The following CNTN5 variants were observed in gnomAD, a reference collection of about 807,000 sequenced individuals.
The protein encoded by CNTN5 is contactin-5.
A neutral mutation model predicts 129.1 loss-of-function variants in CNTN5; 77 were observed. The observed-to-expected ratio is 0.60, with a 90% CI of 0.50 to 0.72. The LOEUF (loss-of-function observed/expected upper bound fraction) is 0.72, where lower values mean the gene tolerates loss of function less well. Among genes scored for constraint, CNTN5 ranks in the 30% least tolerant of loss-of-function variants. The probability of loss-of-function intolerance (pLI) is 0.00; values close to 1 mark genes in which losing one functional copy is unlikely to be tolerated. For missense variants in CNTN5, 1,478 were observed against 1,328.8 expected (o/e 1.11, Z -1.75); for synonymous variants, 509 against 465.6 (o/e 1.09, Z -1.20).
intron 1 of CNTN5, among the ~76,000 whole-genome samples, chr11:99,201,348 T>TC (rs1859180862): frequency 1.3e-4 from 1 of 7,900 alleles, no homozygotes; most frequent in Non-Finnish European, 1.8e-4. Flanking sequence ...TTCCTTCCTT[T>TC]CCTTTCCTTC....
intron 2 of CNTN5, among the ~76,000 whole-genome samples, chr11:99,393,125 C>T (rs1339485168): frequency 2.0e-5 from 3 of 151,666 alleles, no homozygotes; most frequent in African/African-American, 7.3e-5. Flanking sequence ...TAACATGAGG[C>T]TAAATGTCAA....
chr11:100,216,591 A>C (rs1949143415), intron 15 of CNTN5, among the ~76,000 whole-genome samples: 1 of 151,972 alleles, frequency 6.6e-6, no homozygotes, highest in African/African-American at 2.4e-5. Context: ...TAAGTGTCAC[A>C]ATAAAAGTAA....
chr11:100,162,357 GAACT>G (rs1947484474), intron 13 of CNTN5, among the ~76,000 whole-genome samples: 1 of 151,734 alleles, frequency 6.6e-6, no homozygotes, highest in South Asian at 2.1e-4. Context: ...TCACTAAACA[GAACT>G]AACTAGCAAT....
chr11:99,208,463 T>C (rs184076213), intron 1 of CNTN5, among the ~76,000 whole-genome samples: 1 of 152,284 alleles, frequency 6.6e-6, no homozygotes, highest in East Asian at 1.9e-4. Context: ...AGGGTCATAC[T>C]TATTACCAAG....
At chr11:99,971,297 C>T (rs182908972) in intron 8 of CNTN5, among the ~76,000 whole-genome samples, 3 of 152,232 alleles carry the variant, frequency 2.0e-5, no homozygotes, top group East Asian at 1.9e-4. Flanking sequence ...GTAATCCCAG[C>T]ACTTTGGGAG....
At chr11:100,050,086 A>G (rs1942875618) in intron 9 of CNTN5, among the ~76,000 whole-genome samples, 1 of 152,146 alleles carries the variant, frequency 6.6e-6, no homozygotes, top group Non-Finnish European at 1.5e-5. Flanking sequence ...AGGGATCTAG[A>G]ACTAGAAATA....
chr11:99,972,214 T>C (rs962848665), intron 8 of CNTN5, among the ~76,000 whole-genome samples: 1 of 151,882 alleles, frequency 6.6e-6, no homozygotes, highest in African/African-American at 2.4e-5. Flanking sequence ...TGAGCCGAGA[T>C]TGCGCCACTG....
intron 13 of CNTN5, among the ~76,000 whole-genome samples, chr11:100,145,464 G>T (rs1405526057): frequency 1.3e-5 from 2 of 152,102 alleles, no homozygotes; most frequent in Non-Finnish European, 2.9e-5. Context: ...ACGTAGGTAG[G>T]TGTTACACAT....
intron 2 of CNTN5, among the ~76,000 whole-genome samples, chr11:99,409,410 G>A (rs1942285814): frequency 6.6e-6 from 1 of 152,212 alleles, no homozygotes; most frequent in Non-Finnish European, 1.5e-5. Context: ...GGAGCTTGCA[G>A]CAAGCAAAGC....
intron 3 of CNTN5, among the ~76,000 whole-genome samples, chr11:99,732,782 A>G (rs1280337643): frequency 6.6e-6 from 1 of 152,212 alleles, no homozygotes; most frequent in African/African-American, 2.4e-5. Context: ...TAATAGAGGA[A>G]GATTAACTGA....
intron 9 of CNTN5, among the ~76,000 whole-genome samples, chr11:100,054,572 G>T (rs1423640610): frequency 6.6e-6 from 1 of 151,804 alleles, no homozygotes; most frequent in East Asian, 1.9e-4. Context: ...TTTACCAAAT[G>T]TTTTCCGCTG....
chr11:99,131,228 A>G (rs1858916735), intron 1 of CNTN5, among the ~76,000 whole-genome samples: 1 of 133,270 alleles, frequency 7.5e-6, no homozygotes, highest in Non-Finnish European at 1.6e-5. Flanking sequence ...AGCCTGGGTG[A>G]CAGAGTGAGA....
chr11:99,085,875 A>G (rs551665353), intron 1 of CNTN5, among the ~76,000 whole-genome samples: 27 of 152,242 alleles, frequency 1.8e-4, no homozygotes, highest in South Asian at 2.1e-4. Context: ...ACTGTTGCAC[A>G]ATGTATTACC....
chr11:99,797,764 C>T (rs139088606), intron 3 of CNTN5, among the ~76,000 whole-genome samples: 1,533 of 152,076 alleles, frequency 0.01, 32 homozygotes, highest in African/African-American at 0.035. Flanking sequence ...TGTGAAGAAT[C>T]GCTTTAGTTT....
intron 3 of CNTN5, among the ~76,000 whole-genome samples, chr11:99,734,968 A>G (rs1166035466): frequency 6.6e-6 from 1 of 152,222 alleles, no homozygotes; most frequent in East Asian, 1.9e-4. Flanking sequence ...AGATAGCACC[A>G]CTGCAGTCCG....
intron 1 of CNTN5, among the ~76,000 whole-genome samples, chr11:99,319,460 G>A (rs1865472937): frequency 6.6e-6 from 1 of 152,082 alleles, no homozygotes; most frequent in Non-Finnish European, 1.5e-5. Context: ...TATAGCACCC[G>A]AGCTGACCCC....
intron 13 of CNTN5, among the ~76,000 whole-genome samples, chr11:100,174,963 C>T (rs145203833): frequency 6.6e-6 from 1 of 152,210 alleles, no homozygotes; most frequent in South Asian, 2.1e-4. Flanking sequence ...ACCATGGTGA[C>T]AGCACAGCCT....
intron 7 of CNTN5, among the ~76,000 whole-genome samples, chr11:99,927,671 C>G (rs1250420766): frequency 6.6e-6 from 1 of 152,106 alleles, no homozygotes; most frequent in Non-Finnish European, 1.5e-5. Context: ...GATAACTGCT[C>G]TCATGATTAA....
At chr11:99,971,186 A>G (rs995930137) in intron 8 of CNTN5, among the ~76,000 whole-genome samples, 2 of 152,090 alleles carry the variant, frequency 1.3e-5, no homozygotes, top group Admixed American at 1.3e-4. Context: ...CATTTCACTC[A>G]CTACCCAGTA....
Sources: gnomAD v4.1 joint callset for allele counts (sites outside exome capture counted in the v4.1 genomes callset) on GRCh38, gnomAD v4.1.1 for gene constraint, MANE v1.5 for transcripts, NCBI Gene and HGNC (gene_info 2026-07-23, HGNC 2026-07-21) for gene names.